The following PRKCE variants were observed in gnomAD, a reference collection of about 807,000 sequenced individuals.
PRKCE encodes protein kinase C epsilon.
PRKCE carries 16 observed loss-of-function variants against 85.4 expected under a neutral mutation model. The ratio of observed to expected loss-of-function variants is 0.19; its 90% confidence interval spans 0.13 to 0.28. The LOEUF (loss-of-function observed/expected upper bound fraction) is 0.28, where lower values mean the gene tolerates loss of function less well. Among genes scored for constraint, PRKCE ranks in the 10% least tolerant of loss-of-function variants. The probability of loss-of-function intolerance (pLI) is 1.00; values close to 1 mark genes in which losing one functional copy is unlikely to be tolerated. For synonymous variants in PRKCE, 388 were observed against 371.5 expected (o/e 1.04, Z -0.51); for missense variants, 573 against 975.2 (o/e 0.59, Z 5.49).
At chr2:46,097,794 G>A (rs540455794) in intron 11 of PRKCE, among the ~76,000 whole-genome samples, 3 of 152,282 alleles carry the variant, frequency 2.0e-5, no homozygotes, top group African/African-American at 4.8e-5. Flanking sequence ...TTTTATATGG[G>A]TCCAAATCTA....
At chr2:46,086,131 C>A in intron 10 of PRKCE, 77 bp from the exon 11 acceptor site, 1 of 1,483,036 alleles carries the variant, frequency 6.7e-7, no homozygotes. Context: ...TAACCTTACA[C>A]TGAGCTCACA....
chr2:45,744,909 A>G (rs1250566558), intron 1 of PRKCE, among the ~76,000 whole-genome samples: 1 of 152,094 alleles, frequency 6.6e-6, no homozygotes, highest in Non-Finnish European at 1.5e-5. Flanking sequence ...GCACCCAGCC[A>G]TTTGCCTAGT....
intron 1 of PRKCE, among the ~76,000 whole-genome samples, chr2:45,765,192 A>G (rs1277411053): frequency 6.6e-6 from 1 of 152,232 alleles, no homozygotes; most frequent in Non-Finnish European, 1.5e-5. Context: ...TGTGCTTCTA[A>G]TTAATTTTTA....
In PRKCE at chr2:45,762,776, G is replaced by A. The variant is rs553442867; in HGVS notation, c.349-80224G>A. Among the ~76,000 whole-genome samples the A allele has an allele frequency of 7.2e-5, 11 of 152,230 alleles. No homozygotes were observed. The South Asian group carries it at 2.3e-3, about 32-fold the overall frequency. On this transcript the variant is annotated intron_variant, in intron 1 of 14. Coordinates refer to ENST00000306156, the MANE Select transcript of PRKCE (RefSeq NM_005400.3). Reference sequence around the variant, plus strand: ...ATGTAATCTACCCAGCAACCTAACGGAAACCTGATAGCCCATTTTATAGAT... The same window carrying A: ...ATGTAATCTACCCAGCAACCTAACGAAAACCTGATAGCCCATTTTATAGAT...
chr2:46,011,020 G>A, intron 10 of PRKCE: 3 of 1,193,018 alleles, frequency 2.5e-6, no homozygotes, highest in Non-Finnish European at 3.2e-6. Flanking sequence ...TTACCGCATA[G>A]GTGTCTGGGA....
At chr2:46,112,769 C>A (rs892216630) in intron 11 of PRKCE, among the ~76,000 whole-genome samples, 1 of 152,196 alleles carries the variant, frequency 6.6e-6, no homozygotes, top group Admixed American at 6.5e-5. Context: ...ATCCACCCAC[C>A]TTGGCCTCCC....
At chr2:46,061,624 T>C (rs111481541) in intron 10 of PRKCE, among the ~76,000 whole-genome samples, 2,946 of 152,176 alleles carry the variant, frequency 0.019, 27 homozygotes, top group Non-Finnish European at 0.031. Context: ...AGAGGAATCC[T>C]CCCTTTACTG....
At chr2:45,672,332 A>G (rs1676212092) in intron 1 of PRKCE, among the ~76,000 whole-genome samples, 1 of 151,312 alleles carries the variant, frequency 6.6e-6, no homozygotes, top group Non-Finnish European at 1.5e-5. Flanking sequence ...CCACCCATCA[A>G]TTCGTCCATC....
chr2:45,775,668 G>A (rs1026737628), intron 1 of PRKCE, among the ~76,000 whole-genome samples: 1 of 152,142 alleles, frequency 6.6e-6, no homozygotes. Context: ...CAGGGAACTT[G>A]CAGTCACCTC....
chr2:45,786,952 G>A lies in PRKCE; in HGVS notation c.349-56048G>A, dbSNP rs993730996. On this transcript the variant is annotated intron_variant, in intron 1 of 14. Transcript: ENST00000306156. This position sits in a 1 kb window ranked among gnomAD's most constrained non-coding sequence, Gnocchi z 5.3. ...CAGGAAGCTGGTGTTTCTCAAACTCGCCTGGTGAGTCACTTGAGGCTTTGG... is the reference window on the plus strand; with the variant it reads ...CAGGAAGCTGGTGTTTCTCAAACTCACCTGGTGAGTCACTTGAGGCTTTGG... Among the ~76,000 whole-genome samples, 3 of 152,212 alleles carry A rather than the reference G, an allele frequency of 2.0e-5. No homozygotes were observed. Among genetic ancestry groups the A allele is most frequent in the Admixed American group, 6.5e-5 (1 of 15,288 alleles).
At chr2:45,781,673 A>T (rs1206812600) in intron 1 of PRKCE, among the ~76,000 whole-genome samples, 1 of 152,068 alleles carries the variant, frequency 6.6e-6, no homozygotes, top group African/African-American at 2.4e-5. Flanking sequence ...ATATTGGAAC[A>T]GCTACATCTG....
At chr2:46,146,446 G>A (rs1676077610) in intron 12 of PRKCE, among the ~76,000 whole-genome samples, 1 of 152,232 alleles carries the variant, frequency 6.6e-6, no homozygotes, top group Non-Finnish European at 1.5e-5. Context: ...TAAAGGGAGT[G>A]ATAGATAAGT....
chr2:46,165,418 G>C (rs572387915), intron 14 of PRKCE, among the ~76,000 whole-genome samples: 5 of 152,324 alleles, frequency 3.3e-5, no homozygotes, highest in Admixed American at 2.6e-4. Flanking sequence ...GACACACAGT[G>C]GGGGGCTGTT....
At chr2:45,945,771 G>A (rs1327946881) in intron 2 of PRKCE, among the ~76,000 whole-genome samples, 1 of 152,244 alleles carries the variant, frequency 6.6e-6, no homozygotes, top group African/African-American at 2.4e-5. Context: ...TTAGAACACA[G>A]GCATCTGGCA....
intron 1 of PRKCE, among the ~76,000 whole-genome samples, chr2:45,835,601 T>G (rs374886021): frequency 0.15 from 22,221 of 149,282 alleles, 1,803 homozygotes; most frequent in South Asian, 0.2. Flanking sequence ...ATATTTGTTT[T>G]TTTTTTTTTT....
At chr2:45,712,526 G>A (rs1679752525) in intron 1 of PRKCE, among the ~76,000 whole-genome samples, 1 of 152,156 alleles carries the variant, frequency 6.6e-6, no homozygotes, top group South Asian at 2.1e-4. Flanking sequence ...TGGGAAGCCT[G>A]TACTGTTGGT....
At chr2:46,180,317 G>A (rs961055253) in intron 14 of PRKCE, among the ~76,000 whole-genome samples, 1 of 152,182 alleles carries the variant, frequency 6.6e-6, no homozygotes, top group African/African-American at 2.4e-5. Context: ...GAAAGCAGGA[G>A]GAAGCCCCAT....
chr2:45,920,811 T>C lies in PRKCE; in HGVS notation c.413-55618T>C, dbSNP rs921201580. 4.4e-4 allele frequency among the ~76,000 whole-genome samples: 67 copies of C among 152,162 alleles called. 3 individuals are homozygous for C. The highest frequency in any genetic ancestry group is 8.8e-5 in the Non-Finnish European group (6 of 68,032). ...GATGAAAATGTTCTAAAACTGATGGTTTAGTACATATCTCTGAATATACTA... is the reference window on the plus strand; with the variant it reads ...GATGAAAATGTTCTAAAACTGATGGCTTAGTACATATCTCTGAATATACTA... On this transcript the variant is annotated intron_variant, in intron 2 of 14. Coordinates refer to ENST00000306156, the MANE Select transcript of PRKCE (RefSeq NM_005400.3).
intron 1 of PRKCE, among the ~76,000 whole-genome samples, chr2:45,804,869 G>T (rs1688126089): frequency 6.6e-6 from 1 of 151,594 alleles, no homozygotes; most frequent in Non-Finnish European, 1.5e-5. Context: ...TGTTTCAAAA[G>T]CCTTTCCTAT....
Sources: gnomAD v4.1 joint callset for allele counts (sites outside exome capture counted in the v4.1 genomes callset) on GRCh38, gnomAD v4.1.1 for gene constraint, Gnocchi (gnomAD v3.1) non-coding constraint, MANE v1.5 for transcripts, NCBI Gene and HGNC (gene_info 2026-07-23, HGNC 2026-07-21) for gene names.